GSPT1: variants seen among roughly 807,000 people sequenced by gnomAD.
GSPT1 encodes the protein G1 to S phase transition 1, also known as eukaryotic peptide chain release factor GTP-binding subunit ERF3A.
Under a neutral mutation model 72.5 loss-of-function variants are expected in GSPT1, and 20 were observed. The ratio of observed to expected loss-of-function variants is 0.28; its 90% CI spans 0.19 to 0.40. The LOEUF (loss-of-function observed/expected upper bound fraction) is 0.40, where lower values mean the gene tolerates loss of function less well. GSPT1 is among the 10% of genes least tolerant of loss of function. GSPT1 has a pLI of 1.00. For synonymous variants in GSPT1, 334 were observed against 293.5 expected (o/e 1.14, Z -1.41); for missense variants, 580 against 811.9 (o/e 0.71, Z 3.47).
In GSPT1 at chr16:11,896,902, C is replaced by A. The variant is rs187675833; in HGVS notation, c.437-117G>T. ...GCATATGTAGTTCCATTTCCTAATG[C>A]CTAGTGACACATAAGCAGGAAAACC... On this transcript the variant is annotated intron_variant, in intron 3 of 14. Transcript: ENST00000434724. 180 of 686,224 alleles carry A rather than the reference C, an allele frequency of 2.6e-4. 2 individuals carry two copies. The highest frequency in any genetic ancestry group is 7.4e-6 in the Non-Finnish European group (3 of 404,858). The allele number at this position is 686,224 out of a possible 1,614,324, so 42.5% of individuals were successfully genotyped here.
intron 11 of GSPT1, chr16:11,882,519 T>C (rs778319484): frequency 5.4e-4 from 83 of 152,924 alleles, no homozygotes; most frequent in Non-Finnish European, 8.2e-4. Flanking sequence ...GGTAAATAAA[T>C]TCTCACTGAA....
intron 1 of GSPT1, among the ~76,000 whole-genome samples, chr16:11,901,175 C>T (rs1008060494): frequency 1.3e-5 from 2 of 151,658 alleles, no homozygotes; most frequent in Non-Finnish European, 2.9e-5. Flanking sequence ...AAAATAAAAC[C>T]GATATATTTC....
intron 9 of GSPT1, 130 bp downstream of exon 9, chr16:11,886,341 T>C: frequency 1.7e-6 from 1 of 597,348 alleles, no homozygotes; most frequent in African/African-American, 1.8e-5. Context: ...ATTTAATATT[T>C]TCTTAAATTA....
chr16:11,884,415 A>G (rs908732981), intron 10 of GSPT1, among the ~76,000 whole-genome samples: 2 of 152,242 alleles, frequency 1.3e-5, no homozygotes, highest in Non-Finnish European at 2.9e-5. Context: ...TGGTCTATCT[A>G]TACCACTAAT....
intron 1 of GSPT1, among the ~76,000 whole-genome samples, chr16:11,909,441 T>C (rs890055768): frequency 4.6e-5 from 7 of 152,172 alleles, no homozygotes; most frequent in Non-Finnish European, 8.8e-5. Context: ...ATCCTTCAAC[T>C]AGTAGCCAAA....
At chr16:11,878,377 A>G (rs929938310) in intron 11 of GSPT1, among the ~76,000 whole-genome samples, 1 of 152,114 alleles carries the variant, frequency 6.6e-6, no homozygotes, top group Non-Finnish European at 1.5e-5. Context: ...TTGGCCTCCC[A>G]AAGTGCTCAG....
At chr16:11,886,674 A>T (rs2054189643) in intron 8 of GSPT1, 63 bp from the exon 9 acceptor site, 1 of 1,550,300 alleles carries the variant, frequency 6.5e-7, no homozygotes, top group Non-Finnish European at 8.9e-7. Flanking sequence ...CTAGTTTCCT[A>T]AGTAAACAGA....
chr16:11,915,330 G>C, intron 1 of GSPT1, 39 bp downstream of exon 1: 1 of 1,428,310 alleles, frequency 7.0e-7, no homozygotes, highest in Non-Finnish European at 9.1e-7. Flanking sequence ...GTGGGCTCCG[G>C]CGCCCGGCCG....
intron 11 of GSPT1, chr16:11,882,548 CT>C (rs1225544433): frequency 1.3e-5 from 2 of 152,546 alleles, no homozygotes; most frequent in African/African-American, 4.8e-5. Flanking sequence ...AAATCTCCAT[CT>C]GAAGGTACTG....
intron 5 of GSPT1, among the ~76,000 whole-genome samples, chr16:11,892,851 A>AAAAAAG (rs1567443552): frequency 6.9e-6 from 1 of 144,118 alleles, no homozygotes; most frequent in African/African-American, 2.6e-5. Flanking sequence ...AAAAAAAAAA[A>AAAAAAG]AAAAGAAAAG....
At chr16:11,886,428 A>G (rs1198832564) in intron 9 of GSPT1, 43 bp downstream of exon 9, 4 of 1,381,616 alleles carry the variant, frequency 2.9e-6, no homozygotes, top group African/African-American at 1.4e-5. Context: ...TTAAGTAATA[A>G]CATCCTTTTC....
Position 11,915,525 on chromosome 16 carries a change from T to A in GSPT1, c.196A>T (p.Ser66Cys). Residue 66 changes from serine (S) to cysteine (C), a missense_variant, in exon 1 of 15, where the codon AGC becomes TGC. Ser to Cys is a moderately radical substitution (Grantham distance 112). This residue lies in a region of GSPT1 where 327 missense variants were observed against 298.8 expected (regional missense o/e 1.09). Transcript: ENST00000434724. The stretch of plus-strand genomic sequence containing the variant: ...TTGGCGTTGACGTTGAGTTGCCGGC[T>A]GAAGGCCGCGCTGAGGTTCTCCCGC... ...AQRENLSAAF[S>C]RQLNVNAKPF... 6.6e-7 allele frequency: 1 copy of A among 1,525,032 alleles called. No individual in the cohort carries two copies. The highest frequency in any genetic ancestry group is 8.8e-7 in the Non-Finnish European group (1 of 1,137,602). The allele number at this position is 1,525,032 out of a possible 1,614,324, so 94.5% of individuals were successfully genotyped here.
In GSPT1 at chr16:11,915,673, CCCGCCGCCGCCGCCGCCG is replaced by C. The variant is rs3031121; in HGVS notation, c.30_47del (p.Gly11_Gly16del). On this transcript the variant is annotated inframe_deletion, in exon 1 of 15. Coordinates refer to ENST00000434724, the MANE Select transcript of GSPT1 (RefSeq NM_002094.4). The stretch of plus-strand genomic sequence containing the variant: ...CGCTGCTGCTGCTGCCGCTGCTGCT[CCCGCCGCCGCCGCCGCCG>C]CCGCCGCCGCCGCCACTGCCCGGAT... 52 of 1,471,884 alleles carry C rather than the reference CCCGCCGCCGCCGCCGCCG, an allele frequency of 3.5e-5. No homozygotes were observed. The highest frequency in any genetic ancestry group is 1.1e-4 in the African/African-American group (7 of 66,156). The allele number at this position is 1,471,884 out of a possible 1,614,324, so 91.2% of individuals were successfully genotyped here. A position where few individuals can be genotyped will look rare whatever the true frequency, so the allele number is the denominator to read the frequency against.
chr16:11,912,256 G>C (rs1240357883), intron 1 of GSPT1, among the ~76,000 whole-genome samples: 1 of 150,990 alleles, frequency 6.6e-6, no homozygotes, highest in Non-Finnish European at 1.5e-5. Context: ...GCTGAGGCAG[G>C]AGAATTGCTT....
rs1392120317 is a variant in GSPT1, at chr16:11,886,500, T to C, written c.1224A>G (p.Lys408=). ...PCSGLTGANL[K]EQSDFCPWYI... is the part of the protein sequence containing the mutation. ...ACCAAGGACAGAAATCCGACTGCTC[T>C]TTGAGATTTGCTCCAGTAAGTCCTG... Residue 408 remains lysine, a synonymous_variant, in exon 9 of 15, where the codon AAA becomes AAG. Transcript: ENST00000434724. 6.2e-7 allele frequency: 1 copy of C among 1,613,192 alleles called. No homozygotes were observed. Among genetic ancestry groups the C allele is most frequent in the African/African-American group, 1.3e-5 (1 of 74,916 alleles).
intron 1 of GSPT1, among the ~76,000 whole-genome samples, chr16:11,912,356 A>C (rs1450502168): frequency 6.6e-6 from 1 of 151,926 alleles, no homozygotes; most frequent in Non-Finnish European, 1.5e-5. Flanking sequence ...TCAAAAAAAA[A>C]AAAAAACAAA....
chr16:11,914,108 C>A (rs539338431), intron 1 of GSPT1, among the ~76,000 whole-genome samples: 3 of 152,314 alleles, frequency 2.0e-5, no homozygotes, highest in Non-Finnish European at 4.4e-5. Flanking sequence ...ACTTAAAATG[C>A]GCTGGATGTC....
intron 5 of GSPT1, among the ~76,000 whole-genome samples, chr16:11,894,104 C>G (rs1038022050): frequency 8.1e-6 from 1 of 123,198 alleles, no homozygotes; most frequent in African/African-American, 3.1e-5. Context: ...TGCAGTGAGC[C>G]AAAATCATGC....
intron 6 of GSPT1, among the ~76,000 whole-genome samples, chr16:11,889,859 C>G (rs539901804): frequency 6.6e-6 from 1 of 151,920 alleles, no homozygotes; most frequent in African/African-American, 2.4e-5. Flanking sequence ...AGGGTGGTCT[C>G]GAACTCCTGA....
Sources: allele counts gnomAD v4.1 joint callset (sites outside exome capture counted in the v4.1 genomes callset), GRCh38; gene constraint gnomAD v4.1.1; regional missense constraint gnomAD v4.1.1; transcripts MANE v1.5; gene names NCBI Gene and HGNC (gene_info 2026-07-23, HGNC 2026-07-21).